The following GTPBP4 variants were observed in gnomAD, a reference collection of about 807,000 sequenced individuals.
GTPBP4 encodes GTP binding protein 4, also known as GTP-binding protein 4.
In GTPBP4, 15 loss-of-function variants were observed where a neutral mutation model predicts 81.7. That is an observed-to-expected ratio of 0.18 (90% CI 0.12 to 0.28). The LOEUF is 0.28. Among genes scored for constraint, GTPBP4 ranks in the 10% least tolerant of loss-of-function variants. The probability of loss-of-function intolerance (pLI) is 1.00; values close to 1 mark genes in which losing one functional copy is unlikely to be tolerated. For missense variants in GTPBP4, 847 were observed against 793.8 expected (o/e 1.07, Z -0.81); for synonymous variants, 272 against 274.6 (o/e 0.99, Z 0.09).
At chr10:1,009,374 G>A (rs1033527165) in intron 11 of GTPBP4, among the ~76,000 whole-genome samples, 155 bp from the exon 12 acceptor site, 2 of 152,168 alleles carry the variant, frequency 1.3e-5, no homozygotes, top group South Asian at 4.1e-4. Flanking sequence ...CCGCAGACAG[G>A]GAGATAAGAA....
chr10:1,010,928 ACT>A (rs754574957), intron 13 of GTPBP4, among the ~76,000 whole-genome samples: 2 of 137,182 alleles, frequency 1.5e-5, no homozygotes, highest in East Asian at 2.2e-4. Flanking sequence ...CCACCCCGAG[ACT>A]CTGGTGGAGA....
intron 11 of GTPBP4, among the ~76,000 whole-genome samples, 197 bp downstream of exon 11, chr10:1,009,232 A>G (rs960448443): frequency 1.6e-4 from 25 of 152,200 alleles, no homozygotes; most frequent in African/African-American, 5.8e-4. Flanking sequence ...ATGGCCGTGA[A>G]CCAAATGCAT....
At chr10:1,011,540 T>G (rs1831873449) in intron 13 of GTPBP4, among the ~76,000 whole-genome samples, 1 of 152,194 alleles carries the variant, frequency 6.6e-6, no homozygotes, top group Non-Finnish European at 1.5e-5. Context: ...TCAGCTGAGC[T>G]CTCTGGAACA....
chr10:1,006,241 A>G (rs945595351), intron 9 of GTPBP4, among the ~76,000 whole-genome samples: 1 of 152,250 alleles, frequency 6.6e-6, no homozygotes, highest in Non-Finnish European at 1.5e-5. Context: ...TAGAAGGGAG[A>G]AAAGTCTGAA....
At position 1,009,038 on chromosome 10, in the gene GTPBP4, A is replaced by G; in HGVS notation, c.1191+3A>G. 2 of 1,602,818 alleles carry G rather than the reference A, an allele frequency of 1.2e-6. No homozygotes were observed. The highest frequency in any genetic ancestry group is 1.7e-6 in the Non-Finnish European group (2 of 1,169,730). On this transcript the variant is annotated splice_donor_region_variant and intron_variant, in intron 11 of 16. Coordinates refer to ENST00000360803, the MANE Select transcript of GTPBP4 (RefSeq NM_012341.3). Reference sequence around the variant, plus strand: ...CTGAGGAGTCCAGGAAGAAGAGGGTATGCTGCCGAAGCTCTCGCCCAGTGT... The same window carrying G: ...CTGAGGAGTCCAGGAAGAAGAGGGTGTGCTGCCGAAGCTCTCGCCCAGTGT...
chr10:1,016,874 CA>C (rs1487604298), intron 16 of GTPBP4, among the ~76,000 whole-genome samples, 200 bp from the exon 17 acceptor site: 1 of 148,618 alleles, frequency 6.7e-6, no homozygotes, highest in Non-Finnish European at 1.5e-5. Context: ...AGAGATGTAA[CA>C]GGGGTAACTG....
chr10:1,009,491 C>G (rs1831810533), intron 11 of GTPBP4, 38 bp from the exon 12 acceptor site: 2 of 1,442,258 alleles, frequency 1.4e-6, no homozygotes, highest in Admixed American at 3.3e-5. Flanking sequence ...ATCTGAAAGG[C>G]AAAATGAAGC....
chr10:988,634 C>G (rs1831384573), intron 1 of GTPBP4, 107 bp downstream of exon 1: 6 of 802,828 alleles, frequency 7.5e-6, no homozygotes, highest in Non-Finnish European at 1.3e-5. Context: ...TTCCGCTCGC[C>G]CATCCCCCGC....
chr10:994,858 T>C (rs7095853), intron 2 of GTPBP4, among the ~76,000 whole-genome samples: 117,627 of 152,192 alleles, frequency 0.77, 45,843 homozygotes, highest in East Asian at 0.9. Context: ...CTGTTCTGAG[T>C]CCTAGGAATC....
rs1056877192 is a variant in GTPBP4, at chr10:993,537, A to C, written c.219+878A>C. ...GCTGGGATTACAGGCGTGAGCCACC[A>C]CGCCTGGCCTGCCTGTTTCTTTAGC... On this transcript the variant is annotated intron_variant, in intron 2 of 16. Transcript: ENST00000360803. Among the ~76,000 whole-genome samples, 5 of 151,518 alleles carry C rather than the reference A, an allele frequency of 3.3e-5. No individual in the cohort carries two copies. The East Asian group carries it at 9.8e-4, about 30-fold the overall frequency.
intron 14 of GTPBP4, 107 bp from the exon 15 acceptor site, chr10:1,014,140 T>C: frequency 1.6e-6 from 1 of 643,636 alleles, no homozygotes; most frequent in Admixed American, 2.6e-5. Context: ...CTAAAATAAG[T>C]ATATTATAAT....
At chr10:988,688 C>A (rs41289281) in intron 1 of GTPBP4, 161 bp downstream of exon 1, 25,956 of 622,980 alleles carry the variant, frequency 0.042, 724 homozygotes, top group Middle Eastern at 0.081. Flanking sequence ...ATCATTTCCC[C>A]TCCCCCAGCA....
chr10:1,015,446 C>CTCT lies in GTPBP4; in HGVS notation c.1609-307_1609-306insTCT, dbSNP rs1272161427. Among the ~76,000 whole-genome samples the CTCT allele has an allele frequency of 4.8e-5, 5 of 103,368 alleles. 1 individual carries two copies. Among genetic ancestry groups the CTCT allele is most frequent in the Admixed American group, 1.9e-4 (2 of 10,450 alleles). The allele number at this position is 103,368 out of a possible 152,430, so 67.8% of individuals were successfully genotyped here. On this transcript the variant is annotated intron_variant, in intron 15 of 16. Transcript: ENST00000360803. The stretch of plus-strand genomic sequence containing the variant: ...CTGGGAGTGGACCTGGGGTCCTGAG[C>CTCT]GCTGAGCCTGGGAGTGGGGCTGGGG...
chr10:989,114 C>CTTTTTTTTTTTTTTTTTT (rs869154759), intron 1 of GTPBP4, among the ~76,000 whole-genome samples: 1 of 102,100 alleles, frequency 9.8e-6, no homozygotes, highest in Non-Finnish European at 1.9e-5. Context: ...AGTATTAGGA[C>CTTTTTTTTTTTTTTTTTT]TTTTTTTTTT....
At chr10:1,015,032 A>C (rs1831950204) in intron 15 of GTPBP4, among the ~76,000 whole-genome samples, 1 of 152,224 alleles carries the variant, frequency 6.6e-6, no homozygotes, top group African/African-American at 2.4e-5. Flanking sequence ...GTAACCCCCA[A>C]AATGGGGCAG....
intron 6 of GTPBP4, 152 bp downstream of exon 6, chr10:999,247 T>G (rs1490633127): frequency 1.7e-6 from 1 of 599,210 alleles, no homozygotes; most frequent in Non-Finnish European, 3.0e-6. Context: ...GCCTTTCGAG[T>G]AGCAGGGATT....
At chr10:1,008,375 A>C (rs1186991080) in intron 10 of GTPBP4, 2 of 361,288 alleles carry the variant, frequency 5.5e-6, no homozygotes, top group Admixed American at 7.7e-5. Flanking sequence ...ACTGTACTCC[A>C]GCCTGGGTGA....
In GTPBP4 at chr10:988,439, T is replaced by C; in HGVS notation, c.-41T>C. 6.3e-7 allele frequency: 1 copy of C among 1,590,344 alleles called. No individual in the cohort carries two copies. Among genetic ancestry groups the C allele is most frequent in the Non-Finnish European group, 8.6e-7 (1 of 1,159,098 alleles). On this transcript the variant is annotated 5_prime_UTR_variant, in exon 1 of 17. Coordinates refer to ENST00000360803, the MANE Select transcript of GTPBP4 (RefSeq NM_012341.3). The stretch of plus-strand genomic sequence containing the variant: ...TCCCACCTGCGCCCGACGGCGGAAG[T>C]TCCGGGAGTGCCAAGTACCCGCGTG...
At position 1,019,704 on chromosome 10, in the gene GTPBP4, C is replaced by T. The variant is rs200578674; in HGVS notation, c.*2477C>T. The T allele has an allele frequency of 5.0e-5, 81 of 1,613,924 alleles. 1 individual carries two copies. The highest frequency in any genetic ancestry group is 3.3e-5 in the Non-Finnish European group (39 of 1,180,022). On this transcript the variant is annotated 3_prime_UTR_variant, in exon 17 of 17. Transcript: ENST00000360803. ...CAGGTAGAGGATGCTTTTCGTTTCACTGGGATCCGGGTTCAGAGTGACGTT... is the reference window on the plus strand; with the variant it reads ...CAGGTAGAGGATGCTTTTCGTTTCATTGGGATCCGGGTTCAGAGTGACGTT...
Sources: gnomAD v4.1 joint callset for allele counts (sites outside exome capture counted in the v4.1 genomes callset) on GRCh38, gnomAD v4.1.1 for gene constraint, MANE v1.5 for transcripts, NCBI Gene and HGNC (gene_info 2026-07-23, HGNC 2026-07-21) for gene names.